Variants in MICAL2 observed in about 807,000 individuals in gnomAD.
The protein encoded by MICAL2 is [F-actin]-monooxygenase MICAL2.
MICAL2 carries 77 observed loss-of-function variants against 127.3 expected under a neutral mutation model. The ratio of observed to expected loss-of-function variants is 0.60; its 90% CI spans 0.50 to 0.73. The LOEUF (loss-of-function observed/expected upper bound fraction) is 0.73, where lower values mean the gene tolerates loss of function less well. MICAL2 is among the 30% of genes least tolerant of loss of function. The probability of loss-of-function intolerance (pLI) is 0.00; values close to 1 mark genes in which losing one functional copy is unlikely to be tolerated. For missense variants in MICAL2, 1,351 were observed against 1,434.4 expected, an observed-to-expected ratio of 0.94 and a Z score of 0.94; for synonymous variants, 570 against 551.1, an observed-to-expected ratio of 1.03 and a Z score of -0.48.
chr11:12,310,501 T>C (rs1051733216), intron 29 of MICAL2, among the ~76,000 whole-genome samples: 1 of 152,200 alleles, frequency 6.6e-6, no homozygotes, highest in Non-Finnish European at 1.5e-5. Flanking sequence ...GTGGACTTAT[T>C]TCTGGGTTCT....
At chr11:12,330,104 C>T (rs772028255) in intron 32 of MICAL2, among the ~76,000 whole-genome samples, 16 of 152,042 alleles carry the variant, frequency 1.1e-4, no homozygotes, top group Non-Finnish European at 1.5e-4. Flanking sequence ...AGAGTCAAGA[C>T]GGGAGAGTGG....
intron 3 of MICAL2, among the ~76,000 whole-genome samples, chr11:12,172,056 C>G (rs1856332934): frequency 6.6e-6 from 1 of 152,142 alleles, no homozygotes; most frequent in Non-Finnish European, 1.5e-5. Flanking sequence ...TAGCGGCTGT[C>G]AAATTGGACT....
At chr11:12,236,834 C>A (rs1319230102) in intron 16 of MICAL2, among the ~76,000 whole-genome samples, 7 of 151,636 alleles carry the variant, frequency 4.6e-5, no homozygotes, top group Non-Finnish European at 7.4e-5. Flanking sequence ...TAAAAGAGAC[C>A]TGAGATATAC....
In MICAL2 at chr11:12,242,312, G is replaced by A; in HGVS notation, c.2436G>A (p.Lys812=). 7 of 1,614,188 alleles carry A rather than the reference G, an allele frequency of 4.3e-6. No individual in the cohort carries two copies. Among genetic ancestry groups the A allele is most frequent in the Non-Finnish European group, 5.1e-6 (6 of 1,180,008 alleles). ...CLSRPWRARA[K]SDLQLGGTEN... ...GCAGACCTTGGAGAGCCAGAGCCAA[G>A]TCTGACCTACAGCTGGGTGGGACAG... Residue 812 remains lysine (K), a synonymous_variant, in exon 19 of 28, where the codon AAG becomes AAA. Transcript: ENST00000683283.
chr11:12,312,862 T>C (rs1565302254), intron 29 of MICAL2, among the ~76,000 whole-genome samples: 3 of 152,086 alleles, frequency 2.0e-5, no homozygotes, highest in Non-Finnish European at 4.4e-5. Flanking sequence ...GTCTCTGGAA[T>C]AGGAGTCTTA....
intron 29 of MICAL2, among the ~76,000 whole-genome samples, chr11:12,311,346 G>T (rs1864171854): frequency 6.6e-6 from 1 of 151,926 alleles, no homozygotes; most frequent in African/African-American, 2.4e-5. Context: ...GTTTATAAAT[G>T]ATGTTGGCCT....
At position 12,314,556 on chromosome 11, in the gene MICAL2, G is replaced by A. The variant is rs1036776408; in HGVS notation, c.5213-5140G>A. ...TGCAGTGGCGCGATCTCGGCTCACT[G>A]AAAGTTCCGTCTCCTGGGTTCACGC... On this transcript the variant is annotated intron_variant, in intron 29 of 34. Transcript: ENST00000646065. 3.3e-5 allele frequency among the ~76,000 whole-genome samples: 5 copies of A among 151,694 alleles called. No homozygotes were observed. The South Asian group carries it at 1.0e-3, about 32-fold the overall frequency.
intron 3 of MICAL2, among the ~76,000 whole-genome samples, chr11:12,183,828 T>C (rs183497496): frequency 2.7e-4 from 41 of 152,302 alleles, no homozygotes; most frequent in Admixed American, 2.4e-3. Flanking sequence ...TTGTCCAGGC[T>C]GTTGTGCAGT....
chr11:12,224,384 A>C, intron 12 of MICAL2: 1 of 358,906 alleles, frequency 2.8e-6, no homozygotes, highest in Non-Finnish European at 5.2e-6. Flanking sequence ...CTCTGTGACT[A>C]TCTTCCCCAC....
intron 24 of MICAL2, among the ~76,000 whole-genome samples, chr11:12,270,772 G>A (rs1863665578): frequency 6.6e-6 from 1 of 152,210 alleles, no homozygotes. Context: ...TGTGACATTG[G>A]TCAAGTGTGA....
intron 3 of MICAL2, among the ~76,000 whole-genome samples, chr11:12,198,710 T>C (rs952119834): frequency 6.6e-6 from 1 of 152,176 alleles, no homozygotes; most frequent in Non-Finnish European, 1.5e-5. Flanking sequence ...GACAGCACCA[T>C]GCATGACCTC....
intron 32 of MICAL2, among the ~76,000 whole-genome samples, chr11:12,338,864 C>T (rs1347010714): frequency 2.0e-5 from 3 of 152,294 alleles, no homozygotes; most frequent in Middle Eastern, 6.8e-3. Context: ...GTAACCTGAC[C>T]TTTCTCTCTG....
At chr11:12,246,657 G>A (rs1023970718) in intron 21 of MICAL2, among the ~76,000 whole-genome samples, 2 of 152,218 alleles carry the variant, frequency 1.3e-5, no homozygotes, top group African/African-American at 4.8e-5. Context: ...ACAGAGTGCA[G>A]TGGTATGATC....
downstream of MICAL2, among the ~76,000 whole-genome samples, chr11:12,288,739 A>C (rs1863857818): frequency 2.0e-5 from 3 of 152,168 alleles, no homozygotes; most frequent in Non-Finnish European, 4.4e-5. Context: ...GTACAAAGGG[A>C]GGACATGGAT....
chr11:12,122,771 C>T (rs544383518), intron 1 of MICAL2, among the ~76,000 whole-genome samples: 27 of 152,296 alleles, frequency 1.8e-4, no homozygotes, highest in African/African-American at 5.5e-4. Flanking sequence ...CAGTGAAGAA[C>T]GATGGGCCAC....
downstream of MICAL2, among the ~76,000 whole-genome samples, chr11:12,265,155 C>T (rs932641881): frequency 8.5e-5 from 13 of 152,206 alleles, no homozygotes; most frequent in Non-Finnish European, 1.6e-4. Context: ...CCAGTCCTCC[C>T]CCGTCCTGGA....
chr11:12,148,150 C>A (rs1283952601), intron 2 of MICAL2, among the ~76,000 whole-genome samples: 1 of 152,214 alleles, frequency 6.6e-6, no homozygotes, highest in African/African-American at 2.4e-5. Flanking sequence ...ACCTCCCCAG[C>A]AGCTCTTACC....
At chr11:12,209,057 C>A (rs1855099702) in intron 5 of MICAL2, among the ~76,000 whole-genome samples, 1 of 151,910 alleles carries the variant, frequency 6.6e-6, no homozygotes, top group Non-Finnish European at 1.5e-5. Context: ...TAGTGTACAA[C>A]AGAACATTTT....
In MICAL2 at chr11:12,110,927, C is replaced by T. The variant is rs1038795724; in HGVS notation, c.-149+201C>T. Among the ~76,000 whole-genome samples the T allele has an allele frequency of 1.3e-5, 2 of 152,194 alleles. No homozygotes were observed. The highest frequency in any genetic ancestry group is 1.9e-4 in the East Asian group (1 of 5,186). On this transcript the variant is annotated intron_variant, in intron 1 of 27. Coordinates refer to ENST00000683283, the MANE Select transcript of MICAL2 (RefSeq NM_001282663.2). This position sits in a 1 kb window ranked among gnomAD's most constrained non-coding sequence, Gnocchi z 4.5. ...GCGACGAAGCCCGGGGCGGCCCTGG[C>T]CGGCCTCTGAACCAATTAGAACGCA...
Sources: gnomAD v4.1 joint callset for allele counts (sites outside exome capture counted in the v4.1 genomes callset) on GRCh38, gnomAD v4.1.1 for gene constraint, Gnocchi (gnomAD v3.1) non-coding constraint, MANE v1.5 for transcripts, NCBI Gene and HGNC (gene_info 2026-07-23, HGNC 2026-07-21) for gene names.